The following DENND6A variants were observed in gnomAD, a reference collection of about 807,000 sequenced individuals.
The protein encoded by DENND6A is protein DENND6A.
In DENND6A, 43 loss-of-function variants were observed where a neutral mutation model predicts 95.5. The observed-to-expected ratio is 0.45, with a 90% CI of 0.35 to 0.58. The LOEUF (loss-of-function observed/expected upper bound fraction) is 0.58, where lower values mean the gene tolerates loss of function less well. DENND6A is among the 20% of genes least tolerant of loss of function. DENND6A has a pLI of 0.00. For synonymous variants in DENND6A, 257 were observed against 260.4 expected, an observed-to-expected ratio of 0.99 and a Z score of 0.13; for missense variants, 574 against 736.0, an observed-to-expected ratio of 0.78 and a Z score of 2.55.
intron 12 of DENND6A, among the ~76,000 whole-genome samples, chr3:57,637,902 G>A (rs1296775959): frequency 6.6e-6 from 1 of 151,926 alleles, no homozygotes; most frequent in Non-Finnish European, 1.5e-5. Flanking sequence ...TTGGGAGGCT[G>A]AGGTGAGTGG....
chr3:57,632,529 T>C (rs1474576888), intron 15 of DENND6A, among the ~76,000 whole-genome samples: 3 of 152,152 alleles, frequency 2.0e-5, no homozygotes, highest in African/African-American at 7.2e-5. Context: ...AACAAATAGA[T>C]TTAATGGAAT....
chr3:57,662,442 A>C (rs2153415667), intron 5 of DENND6A, among the ~76,000 whole-genome samples: 1 of 152,058 alleles, frequency 6.6e-6, no homozygotes, highest in African/African-American at 2.4e-5. Context: ...GACTTAAGCA[A>C]TCTGCCCACC....
intron 9 of DENND6A, among the ~76,000 whole-genome samples, chr3:57,653,941 CTTTTTTT>C (rs1206882170): frequency 4.4e-4 from 33 of 75,834 alleles, no homozygotes; most frequent in East Asian, 2.4e-3. Context: ...TAGAAATTCA[CTTTTTTT>C]TTTTTTTTTT....
At chr3:57,645,859 CTT>C in intron 10 of DENND6A, 103 bp from the exon 11 acceptor site, 2 of 735,384 alleles carry the variant, frequency 2.7e-6, no homozygotes, top group Non-Finnish European at 4.3e-6. Context: ...CAAAGGGATA[CTT>C]TGTTTATTTT....
chr3:57,671,546 A>G (rs2071618222), intron 3 of DENND6A, among the ~76,000 whole-genome samples: 3 of 151,954 alleles, frequency 2.0e-5, no homozygotes, highest in Admixed American at 1.3e-4. Flanking sequence ...AAAAAAAGGA[A>G]GTAACCACAA....
chr3:57,658,246 AAAG>A (rs1036384911), intron 8 of DENND6A, among the ~76,000 whole-genome samples: 2 of 151,978 alleles, frequency 1.3e-5, no homozygotes, highest in Non-Finnish European at 2.9e-5. Context: ...AAAAAAAAAA[AAAG>A]AATTAATCCC....
chr3:57,633,187 GT>G, intron 15 of DENND6A, 77 bp downstream of exon 15: 1 of 1,237,308 alleles, frequency 8.1e-7, no homozygotes, highest in Non-Finnish European at 1.2e-6. Flanking sequence ...TTAAGATATG[GT>G]TTTGGAGGGC....
intron 3 of DENND6A, among the ~76,000 whole-genome samples, chr3:57,671,593 A>G (rs1328370957): frequency 1.3e-5 from 2 of 152,082 alleles, no homozygotes; most frequent in Non-Finnish European, 2.9e-5. Context: ...CTATAGGGTT[A>G]TAACTGTGTG....
intron 9 of DENND6A, among the ~76,000 whole-genome samples, chr3:57,647,929 A>G (rs1020397978): frequency 2.0e-5 from 3 of 152,048 alleles, no homozygotes; most frequent in African/African-American, 7.2e-5. Flanking sequence ...TGCAGAAGGG[A>G]AGCCAGGTGT....
In DENND6A at chr3:57,652,764, G is replaced by C. The variant is rs2071236910; in HGVS notation, c.818+4916C>G. 2.6e-5 allele frequency among the ~76,000 whole-genome samples: 4 copies of C among 152,144 alleles called. No individual in the cohort carries two copies. In the South Asian group the frequency reaches 8.3e-4, roughly 32 times the overall value. On this transcript the variant is annotated intron_variant, in intron 9 of 19. Transcript: ENST00000311128. ...TATGCCACCTCCTGACAGATGCAGA[G>C]CCTCAATCTAATCAGGAGTAAATAC...
intron 1 of DENND6A, among the ~76,000 whole-genome samples, chr3:57,674,238 TG>T: frequency 6.6e-6 from 1 of 152,004 alleles, no homozygotes; most frequent in Non-Finnish European, 1.5e-5. Context: ...CTGGGCGTGG[TG>T]GCGTGTGCCT....
intron 15 of DENND6A, 87 bp downstream of exon 15, chr3:57,633,178 T>A (rs757546340): frequency 8.3e-5 from 95 of 1,141,052 alleles, no homozygotes; most frequent in Non-Finnish European, 1.1e-4. Flanking sequence ...ACACACAACT[T>A]AAGATATGGT....
chr3:57,648,135 T>G (rs929707126), intron 9 of DENND6A, among the ~76,000 whole-genome samples: 1 of 152,172 alleles, frequency 6.6e-6, no homozygotes, highest in African/African-American at 2.4e-5. Flanking sequence ...AAAAACCTCC[T>G]AGAACTGGTA....
chr3:57,635,063 T>C (rs2070762202), intron 12 of DENND6A, among the ~76,000 whole-genome samples: 1 of 152,222 alleles, frequency 6.6e-6, no homozygotes, highest in Non-Finnish European at 1.5e-5. Flanking sequence ...ACTCAACCTG[T>C]AATTTAAAAT....
chr3:57,646,151 T>G (rs1261471957), intron 10 of DENND6A, among the ~76,000 whole-genome samples, 165 bp downstream of exon 10: 1 of 152,198 alleles, frequency 6.6e-6, no homozygotes, highest in Non-Finnish European at 1.5e-5. Context: ...ATCCATAAAA[T>G]GGTGCTATAA....
At chr3:57,662,103 A>C (rs1001131417) in intron 5 of DENND6A, among the ~76,000 whole-genome samples, 1 of 151,966 alleles carries the variant, frequency 6.6e-6, no homozygotes, top group Admixed American at 6.6e-5. Context: ...TTCTGAGTAC[A>C]AAAGGGAAAG....
At chr3:57,641,506 T>C in intron 12 of DENND6A, 147 bp downstream of exon 12, 1 of 457,332 alleles carries the variant, frequency 2.2e-6, no homozygotes, top group Non-Finnish European at 3.7e-6. Flanking sequence ...CTGCATATTT[T>C]AGTGGGAAAT....
At chr3:57,674,730 T>C (rs1224971015) in intron 1 of DENND6A, among the ~76,000 whole-genome samples, 2 of 152,182 alleles carry the variant, frequency 1.3e-5, no homozygotes, top group Admixed American at 6.5e-5. Flanking sequence ...TAAATGCCCA[T>C]CAATGAGAGA....
intron 1 of DENND6A, among the ~76,000 whole-genome samples, chr3:57,675,202 G>A (rs2071689708): frequency 6.6e-6 from 1 of 152,106 alleles, no homozygotes; most frequent in South Asian, 2.1e-4. Flanking sequence ...GAAACAAGGG[G>A]GAAAGCTGGG....
Sources: allele counts gnomAD v4.1 joint callset (sites outside exome capture counted in the v4.1 genomes callset), GRCh38; gene constraint gnomAD v4.1.1; transcripts MANE v1.5; gene names NCBI Gene and HGNC (gene_info 2026-07-23, HGNC 2026-07-21).